Variants in NDUFS2 observed in about 807,000 individuals in gnomAD.
NDUFS2 encodes the protein NADH dehydrogenase [ubiquinone] iron-sulfur protein 2, mitochondrial.
In NDUFS2, 38 loss-of-function variants were observed where a neutral mutation model predicts 69.6. The observed-to-expected ratio is 0.55, with a 90% confidence interval of 0.42 to 0.72. NDUFS2 has a LOEUF of 0.72. NDUFS2 is among the 30% of genes least tolerant of loss of function. The probability of loss-of-function intolerance (pLI) is 0.00; values close to 1 mark genes in which losing one functional copy is unlikely to be tolerated. For synonymous variants in NDUFS2, 194 were observed against 211.2 expected, an observed-to-expected ratio of 0.92 and a Z score of 0.70; for missense variants, 468 against 595.0, an observed-to-expected ratio of 0.79 and a Z score of 2.22.
upstream of NDUFS2, chr1:161,198,361 C>T: frequency 6.2e-7 from 1 of 1,613,186 alleles, no homozygotes; most frequent in Non-Finnish European, 8.5e-7. This position sits in a 1 kb window ranked among gnomAD's most constrained non-coding sequence, Gnocchi z 4.7. Flanking sequence ...GCAGCGTCTC[C>T]CCAAAGGCCT....
chr1:161,211,272 A>T (rs781167121), intron 9 of NDUFS2, among the ~76,000 whole-genome samples: 1 of 152,226 alleles, frequency 6.6e-6, no homozygotes, highest in Non-Finnish European at 1.5e-5. Flanking sequence ...AAAGTTAGGG[A>T]TTAGCTGGGA....
chr1:161,202,319 C>T (rs951749263), upstream of NDUFS2: 18 of 1,509,794 alleles, frequency 1.2e-5, no homozygotes, highest in Admixed American at 5.8e-5. Flanking sequence ...GGTGAGAAGC[C>T]AAGAAGGAGG....
At position 161,206,591 on chromosome 1, in the gene NDUFS2, T is replaced by C. The variant is rs1296382771; in HGVS notation, c.387T>C (p.Tyr129=). ...GTEKLIEYKT[Y]LQALPYFDRL... is the part of the protein sequence containing the mutation. ...AGAAGCTCATTGAATACAAGACCTA[T>C]CTTCAGGTGTGGGGGGTGAACAGGA... Residue 129 remains tyrosine (Y), a synonymous_variant, in exon 3 of 14, where the codon TAT becomes TAC. Coordinates refer to ENST00000676972, the MANE Select transcript of NDUFS2 (RefSeq NM_001377299.1). 6.2e-7 allele frequency: 1 copy of C among 1,613,188 alleles called. No homozygotes were observed. Among genetic ancestry groups the C allele is most frequent in the Non-Finnish European group, 8.5e-7 (1 of 1,179,948 alleles).
upstream of NDUFS2, chr1:161,198,192 C>T (rs1350655756): frequency 1.9e-6 from 3 of 1,614,108 alleles, no homozygotes; most frequent in Non-Finnish European, 2.5e-6. The surrounding 1 kb of genome is among the most constrained non-coding windows in gnomAD (Gnocchi z 4.7). Context: ...AGGGCTCCCC[C>T]ATCCCAGTGC....
upstream of NDUFS2, among the ~76,000 whole-genome samples, chr1:161,201,199 T>C (rs1665101373): frequency 6.6e-6 from 1 of 152,236 alleles, no homozygotes; most frequent in Admixed American, 6.5e-5. Context: ...GCTAAGGATC[T>C]GGCCCCACCC....
upstream of NDUFS2, chr1:161,198,445 G>C (rs774071976): frequency 6.3e-6 from 10 of 1,582,026 alleles, no homozygotes; most frequent in Non-Finnish European, 7.7e-6. This position sits in a 1 kb window ranked among gnomAD's most constrained non-coding sequence, Gnocchi z 4.7. Flanking sequence ...CTGGAAACAC[G>C]ATCTCCTCCT....
At position 161,206,404 on chromosome 1, in the gene NDUFS2, C is replaced by G. The variant is rs755420872; in HGVS notation, c.203-3C>G. 4 of 1,614,182 alleles carry G rather than the reference C, an allele frequency of 2.5e-6. No individual in the cohort carries two copies. The highest frequency in any genetic ancestry group is 2.5e-6 in the Non-Finnish European group (3 of 1,180,030). On this transcript the variant is annotated splice_polypyrimidine_tract_variant and splice_region_variant and intron_variant, in intron 2 of 13. Transcript: ENST00000676972. The stretch of plus-strand genomic sequence containing the variant: ...TGGCTCTGAACTATTTCTTACTTCT[C>G]AGATGTGGACCCTCCAAAGGACACA...
intron 10 of NDUFS2, 21 bp from the exon 11 acceptor site, chr1:161,213,359 C>G: frequency 6.5e-7 from 1 of 1,541,016 alleles, no homozygotes; most frequent in South Asian, 1.1e-5. Flanking sequence ...TTTATTGATG[C>G]TCCCTGTTTC....
chr1:161,212,218 A>C, intron 9 of NDUFS2, 133 bp from the exon 10 acceptor site: 23 of 1,144,986 alleles, frequency 2.0e-5, no homozygotes, highest in Non-Finnish European at 2.8e-5. Flanking sequence ...CAAGCCAAGC[A>C]GAGATGCTGT....
Position 161,202,432 on chromosome 1 carries a change from A to T in NDUFS2, c.47A>T (p.Gln16Leu), listed in dbSNP as rs1411313576. 4 of 1,612,786 alleles carry T rather than the reference A, an allele frequency of 2.5e-6. No individual in the cohort carries two copies. The East Asian group carries it at 6.7e-5, about 27-fold the overall frequency. Residue 16 changes from glutamine to leucine, a missense_variant, in exon 1 of 14, where the codon CAG (glutamine) becomes CTG (leucine). By Grantham distance (113) the Gln-to-Leu change is moderately radical (BLOSUM62 -2). Coordinates refer to ENST00000676972, the MANE Select transcript of NDUFS2 (RefSeq NM_001377299.1). ...ALCGFRGVAAQVLRPGAGVRL... is the reference protein window; with the variant it reads ...ALCGFRGVAALVLRPGAGVRL... ...TGCGGCTTCCGGGGCGTCGCGGCCC[A>T]GGTGCTGCGGCCTGGGGCTGGAGTC...
At chr1:161,206,178 G>T (rs1168227440) in intron 2 of NDUFS2, among the ~76,000 whole-genome samples, 1 of 151,812 alleles carries the variant, frequency 6.6e-6, no homozygotes, top group Middle Eastern at 3.2e-3. Context: ...AAAAAAAAAA[G>T]GTATTCTAGG....
chr1:161,198,598 C>A, upstream of NDUFS2: 1 of 1,541,578 alleles, frequency 6.5e-7, no homozygotes. This position sits in a 1 kb window ranked among gnomAD's most constrained non-coding sequence, Gnocchi z 4.7. Context: ...CTGCCAAGCC[C>A]CTCCCGGGAT....
chr1:161,214,304 T>TGTGTA lies in NDUFS2; in HGVS notation c.*111_*112insGTGTA. 1 of 1,033,410 alleles carries TGTGTA rather than the reference T, an allele frequency of 9.7e-7. No homozygotes were observed. Among genetic ancestry groups the TGTGTA allele is most frequent in the Non-Finnish European group, 1.5e-6 (1 of 668,182 alleles). 64.0% of individuals were successfully genotyped at this position (1,033,410 alleles called of 1,614,324 possible). A position where few individuals can be genotyped will look rare whatever the true frequency, so the allele number is the denominator to read the frequency against. On this transcript the variant is annotated 3_prime_UTR_variant, in exon 14 of 14. Transcript: ENST00000676972. The stretch of plus-strand genomic sequence containing the variant: ...GTGTGTGTGTGTGTGTGTGTGTATG[T>TGTGTA]TCATGTACACTTGGCTGTCAGGCTT...
upstream of NDUFS2, chr1:161,197,626 A>C (rs1664905548): frequency 9.2e-6 from 2 of 217,284 alleles, no homozygotes; most frequent in Non-Finnish European, 9.0e-6. Flanking sequence ...TGGGGGATGA[A>C]AATCAAATTT....
Position 161,209,935 on chromosome 1 carries a change from A to C in NDUFS2, c.702+4A>C, listed in dbSNP as rs987117681. 6.8e-6 allele frequency: 11 copies of C among 1,613,856 alleles called. No individual in the cohort carries two copies. Among genetic ancestry groups the C allele is most frequent in the Non-Finnish European group, 8.5e-6 (10 of 1,179,998 alleles). On this transcript the variant is annotated splice_donor_region_variant and intron_variant, in intron 6 of 13. Coordinates refer to ENST00000676972, the MANE Select transcript of NDUFS2 (RefSeq NM_001377299.1). Reference sequence around the variant, plus strand: ...CCGGCCAGGAGGAGTGCACCAGGTGAGCAGGTCCCCGGCTTCCCCAAATGT... The same window carrying C: ...CCGGCCAGGAGGAGTGCACCAGGTGCGCAGGTCCCCGGCTTCCCCAAATGT...
At chr1:161,211,071 C>T (rs1665745678) in intron 9 of NDUFS2, among the ~76,000 whole-genome samples, 1 of 152,168 alleles carries the variant, frequency 6.6e-6, no homozygotes, top group Non-Finnish European at 1.5e-5. Flanking sequence ...GACGGGATTT[C>T]TCCATGTTGG....
chr1:161,202,375 G>C lies in NDUFS2; in HGVS notation c.-11G>C. ...CCGGTTCTCCTTCCCGCAGTCTGCA[G>C]CCGGAGTAAGATGGCGGCGCTGAGG... is the stretch of plus-strand genomic sequence containing the variant. On this transcript the variant is annotated 5_prime_UTR_variant, in exon 1 of 14. Coordinates refer to ENST00000676972, the MANE Select transcript of NDUFS2 (RefSeq NM_001377299.1). The C allele has an allele frequency of 6.2e-7, 1 of 1,608,980 alleles. No individual in the cohort carries two copies. Among genetic ancestry groups the C allele is most frequent in the Non-Finnish European group, 8.5e-7 (1 of 1,178,060 alleles).
At chr1:161,201,800 T>C (rs971710725), upstream of NDUFS2, among the ~76,000 whole-genome samples, 1 of 152,152 alleles carries the variant, frequency 6.6e-6, no homozygotes, top group Non-Finnish European at 1.5e-5. Flanking sequence ...GGCCTTGGCA[T>C]CCTATTCTTT....
At chr1:161,197,969 AGG>A, upstream of NDUFS2, 1 of 1,533,968 alleles carries the variant, frequency 6.5e-7, no homozygotes. Flanking sequence ...AGGACACCGC[AGG>A]ACACAGACTC....
Sources: allele counts gnomAD v4.1 joint callset (sites outside exome capture counted in the v4.1 genomes callset), GRCh38; gene constraint gnomAD v4.1.1; non-coding constraint Gnocchi (gnomAD v3.1); transcripts MANE v1.5; gene names NCBI Gene and HGNC (gene_info 2026-07-23, HGNC 2026-07-21).